The following DOCK4 variants were observed in gnomAD, a reference collection of about 807,000 sequenced individuals.
DOCK4 encodes dedicator of cytokinesis 4, also known as dedicator of cytokinesis protein 4.
DOCK4 carries 97 observed loss-of-function variants against 268.1 expected under a neutral mutation model. The ratio of observed to expected loss-of-function variants is 0.36; its 90% CI spans 0.31 to 0.43. The LOEUF (loss-of-function observed/expected upper bound fraction) is 0.43. Among genes scored for constraint, DOCK4 ranks in the 20% least tolerant of loss-of-function variants. The pLI, the probability that DOCK4 is intolerant of heterozygous loss-of-function variation, is 1.00. For missense variants in DOCK4, 2,145 were observed against 2,455.7 expected, an observed-to-expected ratio of 0.87 and a Z score of 2.67; for synonymous variants, 954 against 887.2, an observed-to-expected ratio of 1.08 and a Z score of -1.34.
chr7:111,858,695 G>A (rs866162345), intron 23 of DOCK4, among the ~76,000 whole-genome samples: 10 of 152,080 alleles, frequency 6.6e-5, no homozygotes, highest in African/African-American at 1.2e-4. Context: ...GGTCTCCAGC[G>A]TACTGACTGC....
chr7:111,979,525 T>C (rs745858906), intron 7 of DOCK4, among the ~76,000 whole-genome samples: 1 of 151,368 alleles, frequency 6.6e-6, no homozygotes, highest in Non-Finnish European at 1.5e-5. Flanking sequence ...ATTATGTTCA[T>C]AAAAATACAC....
intron 8 of DOCK4, among the ~76,000 whole-genome samples, chr7:111,952,457 A>C (rs1401043299): frequency 6.6e-6 from 1 of 152,116 alleles, no homozygotes; most frequent in Non-Finnish European, 1.5e-5. Flanking sequence ...CAATATCAAA[A>C]ATTTTGACAT....
intron 1 of DOCK4, among the ~76,000 whole-genome samples, chr7:112,117,572 T>C (rs766995586): frequency 6.6e-6 from 1 of 152,194 alleles, no homozygotes; most frequent in Non-Finnish European, 1.5e-5. Flanking sequence ...GGTTTCACCA[T>C]GTTGGCCAGG....
At chr7:112,020,219 C>G (rs1218134700) in intron 1 of DOCK4, among the ~76,000 whole-genome samples, 1 of 152,130 alleles carries the variant, frequency 6.6e-6, no homozygotes, top group African/African-American at 2.4e-5. Context: ...CAAGACTGAA[C>G]CTTTTTTATC....
At chr7:112,162,819 G>A (rs761627961) in intron 1 of DOCK4, among the ~76,000 whole-genome samples, 11 of 152,016 alleles carry the variant, frequency 7.2e-5, no homozygotes, top group African/African-American at 2.4e-4. Context: ...TAGTAAACAC[G>A]ATTTTATCTT....
At chr7:112,121,466 G>T (rs983056001) in intron 1 of DOCK4, among the ~76,000 whole-genome samples, 5 of 152,094 alleles carry the variant, frequency 3.3e-5, no homozygotes, top group African/African-American at 1.2e-4. Flanking sequence ...CAGGGGCAAG[G>T]TTCCTTCTCT....
At chr7:111,731,978 A>C (rs1322812916) in intron 52 of DOCK4, among the ~76,000 whole-genome samples, 1 of 152,226 alleles carries the variant, frequency 6.6e-6, no homozygotes, top group African/African-American at 2.4e-5. Flanking sequence ...TTCAGTCTGC[A>C]AGTTCTCACT....
At chr7:111,739,736 A>C (rs1052827741) in intron 47 of DOCK4, 7 of 473,596 alleles carry the variant, frequency 1.5e-5, no homozygotes, top group African/African-American at 1.4e-4. Context: ...TTAGCAGTGC[A>C]TTCCTTCATT....
intron 1 of DOCK4, among the ~76,000 whole-genome samples, chr7:112,188,877 T>C (rs1819683412): frequency 6.6e-6 from 1 of 152,220 alleles, no homozygotes. Flanking sequence ...TCTTTCTGAA[T>C]TTATATTTTC....
At chr7:112,031,245 G>A (rs756680160) in intron 1 of DOCK4, among the ~76,000 whole-genome samples, 9 of 152,152 alleles carry the variant, frequency 5.9e-5, no homozygotes, top group Non-Finnish European at 1.0e-4. Context: ...CCAGTGCATT[G>A]CCTACCCAAC....
intron 1 of DOCK4, among the ~76,000 whole-genome samples, chr7:112,080,754 G>A (rs1036150724): frequency 2.0e-5 from 3 of 152,152 alleles, no homozygotes; most frequent in Admixed American, 6.5e-5. Flanking sequence ...ATCCAAATAC[G>A]TAAGACAACC....
intron 12 of DOCK4, among the ~76,000 whole-genome samples, chr7:111,928,212 G>A (rs1362229568): frequency 6.6e-6 from 1 of 152,082 alleles, no homozygotes; most frequent in Non-Finnish European, 1.5e-5. Flanking sequence ...GATACATGAG[G>A]AAATATTTTT....
chr7:112,058,020 T>C (rs1376015819), intron 1 of DOCK4, among the ~76,000 whole-genome samples: 2 of 143,410 alleles, frequency 1.4e-5, no homozygotes, highest in East Asian at 4.0e-4. Flanking sequence ...GAAGTACAGG[T>C]TCAATTTTTT....
At chr7:112,082,700 G>A (rs1304984673) in intron 1 of DOCK4, among the ~76,000 whole-genome samples, 3 of 152,006 alleles carry the variant, frequency 2.0e-5, no homozygotes, top group South Asian at 2.1e-4. Context: ...TACACTTAAC[G>A]ATTTAAGGCT....
At chr7:112,130,481 A>T (rs1456050719) in intron 1 of DOCK4, among the ~76,000 whole-genome samples, 1 of 152,210 alleles carries the variant, frequency 6.6e-6, no homozygotes, top group Non-Finnish European at 1.5e-5. Context: ...TCTCCCAATA[A>T]GTATAATAAT....
At chr7:111,824,373 C>T (rs1563554313) in intron 26 of DOCK4, among the ~76,000 whole-genome samples, 1 of 152,120 alleles carries the variant, frequency 6.6e-6, no homozygotes, top group Non-Finnish European at 1.5e-5. Context: ...TACCCCACTT[C>T]AGTTTCCTAT....
chr7:111,988,792 C>T (rs544296645), intron 6 of DOCK4, among the ~76,000 whole-genome samples: 1 of 152,326 alleles, frequency 6.6e-6, no homozygotes, highest in South Asian at 2.1e-4. Flanking sequence ...CATCAAGCCA[C>T]ATACGATACT....
intron 16 of DOCK4, among the ~76,000 whole-genome samples, chr7:111,891,687 A>G (rs1808301203): frequency 6.6e-6 from 1 of 152,216 alleles, no homozygotes; most frequent in Non-Finnish European, 1.5e-5. Context: ...CAGAAACACA[A>G]CAGTGTTCAT....
intron 35 of DOCK4, 130 bp downstream of exon 35, chr7:111,782,734 C>A (rs1798865519): frequency 8.0e-6 from 8 of 1,001,854 alleles, no homozygotes; most frequent in Non-Finnish European, 1.1e-5. Context: ...CTTAAAAACA[C>A]TTGTAAATTT....
Sources: gnomAD v4.1 joint callset for allele counts (sites outside exome capture counted in the v4.1 genomes callset) on GRCh38, gnomAD v4.1.1 for gene constraint, MANE v1.5 for transcripts, NCBI Gene and HGNC (gene_info 2026-07-23, HGNC 2026-07-21) for gene names.